Variants in ELP2 observed in about 807,000 individuals in gnomAD.
ELP2 encodes the protein elongator acetyltransferase complex subunit 2.
In ELP2, 90 loss-of-function variants were observed where a neutral mutation model predicts 119.2. The observed-to-expected ratio is 0.75, with a 90% CI of 0.64 to 0.90. The LOEUF is 0.90. Ranked by LOEUF, ELP2 falls within the 40% of genes least tolerant of loss-of-function variation. The probability of loss-of-function intolerance (pLI) is 0.00; values close to 1 mark genes in which losing one functional copy is unlikely to be tolerated. For synonymous variants in ELP2, 339 were observed against 331.0 expected, an observed-to-expected ratio of 1.02 and a Z score of -0.26; for missense variants, 921 against 967.8, an observed-to-expected ratio of 0.95 and a Z score of 0.64.
chr18:36,135,907 C>T (rs955370520), intron 2 of ELP2, among the ~76,000 whole-genome samples: 1 of 152,002 alleles, frequency 6.6e-6, no homozygotes, highest in Non-Finnish European at 1.5e-5. Flanking sequence ...GATTCTGAAT[C>T]CCAAACAAAA....
intron 20 of ELP2, among the ~76,000 whole-genome samples, chr18:36,170,628 T>C (rs1197652174): frequency 1.3e-5 from 2 of 152,188 alleles, no homozygotes; most frequent in African/African-American, 4.8e-5. Context: ...TTACTGTCTT[T>C]TGCAAAATGC....
At chr18:36,140,305 T>C (rs1567981172) in intron 5 of ELP2, among the ~76,000 whole-genome samples, 2 of 152,030 alleles carry the variant, frequency 1.3e-5, no homozygotes. Context: ...TTGCCTTGTA[T>C]AGCTTTTTAG....
Position 36,146,380 on chromosome 18 carries a change from C to A in ELP2, c.1124C>A (p.Pro375Gln). 1 of 1,613,766 alleles carries A rather than the reference C, an allele frequency of 6.2e-7. No individual in the cohort carries two copies. The highest frequency in any genetic ancestry group is 1.1e-5 in the South Asian group (1 of 91,056). The change falls in exon 11 of 22, where the codon CCA becomes CAA. Residue 375 changes from proline to glutamine, a missense_variant and splice_region_variant. Pro to Gln is a moderately conservative substitution (Grantham distance 76). Coordinates refer to ENST00000358232, the MANE Select transcript of ELP2 (RefSeq NM_018255.4). ...CTTTGGAAACAGAATACAGTTAACC[C>A]AGTAAGAAAAGAGTGTTTAAATAAA... Reference protein sequence around the residue: ...LHLWKQNTVNPREWTPEIVIS... With the variant: ...LHLWKQNTVNQREWTPEIVIS...
chr18:36,168,057 C>T lies in ELP2; in HGVS notation c.2076+835C>T, dbSNP rs576565109. ...TCACCTCTGGTCTTTCCTTTGTTTT[C>T]ATACTCTTTAAAATATCCTTTTGTT... On this transcript the variant is annotated intron_variant, in intron 19 of 21. Transcript: ENST00000358232. 1.4e-4 allele frequency among the ~76,000 whole-genome samples: 21 copies of T among 152,330 alleles called. No individual in the cohort carries two copies. The South Asian group carries it at 4.3e-3, about 32-fold the overall frequency.
At chr18:36,170,039 C>T (rs746765499) in intron 19 of ELP2, 24 bp from the exon 20 acceptor site, 1 of 1,613,960 alleles carries the variant, frequency 6.2e-7, no homozygotes, top group African/African-American at 1.3e-5. Flanking sequence ...GAAGGCTTTA[C>T]AGTGTGTGAT....
chr18:36,130,214 T>A, intron 1 of ELP2, 143 bp downstream of exon 1: 1 of 1,037,792 alleles, frequency 9.6e-7, no homozygotes, highest in Non-Finnish European at 1.5e-6. Context: ...GCTCGGAGTC[T>A]CCAGTGGACC....
chr18:36,134,962 A>T (rs78909675), intron 2 of ELP2, among the ~76,000 whole-genome samples: 10,452 of 152,314 alleles, frequency 0.069, 441 homozygotes, highest in Middle Eastern at 0.095. Context: ...TTTATAAATG[A>T]TGTTTAAAAA....
At position 36,160,026 on chromosome 18, in the gene ELP2, C is replaced by G; in HGVS notation, c.1688+11C>G. ...TGAAGTTCAAAAACTGTAAGTTAAA[C>G]TGTATTTAGCTCTTTGGTCTGATTC... On this transcript the variant is annotated intron_variant, in intron 16 of 21. Coordinates refer to ENST00000358232, the MANE Select transcript of ELP2 (RefSeq NM_018255.4). The G allele has an allele frequency of 6.2e-7, 1 of 1,613,060 alleles. No individual in the cohort carries two copies. The highest frequency in any genetic ancestry group is 8.5e-7 in the Non-Finnish European group (1 of 1,179,566).
rs918494846 is a variant in ELP2, at chr18:36,180,124, C to A, written c.*5483C>A. On this transcript the variant is annotated 3_prime_UTR_variant, in exon 22 of 22. Coordinates refer to ENST00000358232, the MANE Select transcript of ELP2 (RefSeq NM_018255.4). ...CCCAGGCTCTTATTTCGCTGTCTGACGTCCTTAGTATGAGGCTTTCACCTT... is the reference window on the plus strand; with the variant it reads ...CCCAGGCTCTTATTTCGCTGTCTGAAGTCCTTAGTATGAGGCTTTCACCTT... 2 of 152,260 alleles carry A rather than the reference C, an allele frequency of 1.3e-5. No individual in the cohort carries two copies. The highest frequency in any genetic ancestry group is 1.3e-4 in the Admixed American group (2 of 15,286). 9.4% of individuals were successfully genotyped at this position (152,260 alleles called of 1,614,324 possible).
At chr18:36,156,110 T>C (rs2090564690) in intron 12 of ELP2, among the ~76,000 whole-genome samples, 1 of 152,246 alleles carries the variant, frequency 6.6e-6, no homozygotes, top group African/African-American at 2.4e-5. Flanking sequence ...CAGGATCCTC[T>C]GCTTCAGTTT....
chr18:36,158,447 GA>G (rs2090634775), intron 13 of ELP2: 1 of 184,740 alleles, frequency 5.4e-6, no homozygotes, highest in Non-Finnish European at 1.1e-5. Flanking sequence ...ATCATCAGGG[GA>G]TGTGCCTGTG....
At chr18:36,148,155 G>T (rs543412641) in intron 11 of ELP2, among the ~76,000 whole-genome samples, 1 of 150,444 alleles carries the variant, frequency 6.6e-6, no homozygotes, top group Admixed American at 6.6e-5. Flanking sequence ...GTGCAGTGGC[G>T]CTATCTCGGC....
intron 12 of ELP2, among the ~76,000 whole-genome samples, chr18:36,156,037 A>T (rs1052749157): frequency 5.9e-5 from 9 of 152,208 alleles, no homozygotes; most frequent in Non-Finnish European, 5.9e-5. Flanking sequence ...GTTGGCCCTG[A>T]GCTCAAACAG....
intron 5 of ELP2, among the ~76,000 whole-genome samples, chr18:36,139,102 C>T (rs932440794): frequency 6.6e-6 from 1 of 152,136 alleles, no homozygotes; most frequent in Non-Finnish European, 1.5e-5. Context: ...AAATGACTTA[C>T]TGTGTACCCA....
At chr18:36,146,187 G>C in intron 10 of ELP2, 63 bp from the exon 11 acceptor site, 2 of 1,605,756 alleles carry the variant, frequency 1.2e-6, no homozygotes, top group Non-Finnish European at 1.7e-6. Flanking sequence ...TGGAATCAGC[G>C]ATTTCTGTTG....
At chr18:36,167,036 A>G in intron 18 of ELP2, 65 bp from the exon 19 acceptor site, 33 of 1,509,480 alleles carry the variant, frequency 2.2e-5, no homozygotes, top group Non-Finnish European at 2.8e-5. Flanking sequence ...CTTAAACATC[A>G]CTTCCTAACA....
intron 16 of ELP2, 98 bp downstream of exon 16, chr18:36,160,113 T>C: frequency 1.7e-6 from 2 of 1,142,916 alleles, no homozygotes; most frequent in African/African-American, 3.1e-5. Context: ...TTCTTCCTTC[T>C]ACCTACCTTT....
At position 36,154,922 on chromosome 18, in the gene ELP2, G is replaced by T. The variant is rs1293943578; in HGVS notation, c.1198G>T (p.Gly400Ter). 6 of 1,614,060 alleles carry T rather than the reference G, an allele frequency of 3.7e-6. No homozygotes were observed. The highest frequency in any genetic ancestry group is 5.1e-6 in the Non-Finnish European group (6 of 1,179,928). The change falls in exon 12 of 22, where the codon GGA (glycine) becomes TGA (stop). Residue 400 changes from glycine to a stop codon, truncating the protein, a stop_gained. Coordinates refer to ENST00000358232, the MANE Select transcript of ELP2 (RefSeq NM_018255.4). LOFTEE classifies it high-confidence loss of function. ...CCAAGACCTAGTCTGGGATCCAGAA[G>T]GAGAATTTATTATCACTGTTGGTAC... is the stretch of plus-strand genomic sequence containing the variant. Reference protein sequence around the residue: ...GVQDLVWDPEGEFIITVGTDQ... With the variant: ...GVQDLVWDPE
Position 36,175,044 on chromosome 18 carries a change from C to T in ELP2, c.*403C>T, listed in dbSNP as rs1029486324. On this transcript the variant is annotated 3_prime_UTR_variant, in exon 22 of 22. Transcript: ENST00000358232. Reference sequence around the variant, plus strand: ...CAGTAGTCCTTATTTCAGTGCTAGACCCTTTGAAATGCGATGAAAGCTATA... The same window carrying T: ...CAGTAGTCCTTATTTCAGTGCTAGATCCTTTGAAATGCGATGAAAGCTATA... 9.1e-5 allele frequency: 19 copies of T among 208,220 alleles called. No homozygotes were observed. The highest frequency in any genetic ancestry group is 1.7e-4 in the Non-Finnish European group (17 of 100,838). 12.9% of individuals were successfully genotyped at this position (208,220 alleles called of 1,614,324 possible).
Sources: gnomAD v4.1 joint callset for allele counts (sites outside exome capture counted in the v4.1 genomes callset) on GRCh38, gnomAD v4.1.1 for gene constraint, MANE v1.5 for transcripts, NCBI Gene and HGNC (gene_info 2026-07-23, HGNC 2026-07-21) for gene names.